GM2A: variants seen among roughly 807,000 people sequenced by gnomAD.
The protein encoded by GM2A is GM2 ganglioside activator.
GM2A carries 7 observed loss-of-function variants against 12.9 expected under a neutral mutation model. The ratio of observed to expected loss-of-function variants is 0.54; its 90% CI spans 0.31 to 1.02. GM2A has a LOEUF of 1.02. Among genes scored for constraint, GM2A ranks in the 50% least tolerant of loss-of-function variants. GM2A has a pLI of 0.05. For missense variants in GM2A, 246 were observed against 241.0 expected (o/e 1.02, Z -0.14); for synonymous variants, 101 against 96.0 (o/e 1.05, Z -0.30).
intron 2 of GM2A, among the ~76,000 whole-genome samples, chr5:151,263,362 G>C (rs62377902): frequency 0.044 from 6,733 of 151,522 alleles, 320 homozygotes; most frequent in East Asian, 0.26. Context: ...GAGCCACCAG[G>C]CCCGGCTCCC....
intron 1 of GM2A, among the ~76,000 whole-genome samples, chr5:151,255,105 C>T (rs1023918344): frequency 2.0e-5 from 3 of 152,084 alleles, no homozygotes; most frequent in Non-Finnish European, 2.9e-5. Flanking sequence ...AGTTCAAGAC[C>T]AGCCTGGGCA....
At chr5:151,253,565 G>A (rs950865696) in intron 1 of GM2A, among the ~76,000 whole-genome samples, 13 of 152,068 alleles carry the variant, frequency 8.5e-5, no homozygotes, top group Non-Finnish European at 1.3e-4. Context: ...TGAAAATGCA[G>A]ACAGCCTTAA....
Position 151,267,479 on chromosome 5 carries a change from C to A in GM2A, c.*28C>A. 1.9e-6 allele frequency: 3 copies of A among 1,613,804 alleles called. No individual in the cohort carries two copies. The highest frequency in any genetic ancestry group is 2.5e-6 in the Non-Finnish European group (3 of 1,179,884). ...TGGCATCTGCCACAGCAGAATGGAG[C>A]GGTGTGAGGAAGGTCCCTTTTCCTC... On this transcript the variant is annotated 3_prime_UTR_variant, in exon 4 of 4. Transcript: ENST00000357164.
chr5:151,267,101 T>C (rs1457251390), intron 3 of GM2A, 188 bp downstream of exon 3: 3 of 855,210 alleles, frequency 3.5e-6, no homozygotes, highest in Non-Finnish European at 5.7e-6. Flanking sequence ...GACTTGAACT[T>C]AGATGTGATC....
In GM2A at chr5:151,270,070, C is replaced by T. The variant is rs772153529; in HGVS notation, c.*2619C>T. The T allele has an allele frequency of 7.3e-5, 90 of 1,230,684 alleles. 2 individuals carry two copies. The South Asian group carries it at 2.8e-3, about 38-fold the overall frequency. 76.2% of individuals were successfully genotyped at this position (1,230,684 alleles called of 1,614,324 possible). On this transcript the variant is annotated 3_prime_UTR_variant, in exon 4 of 4. Coordinates refer to ENST00000357164, the MANE Select transcript of GM2A (RefSeq NM_000405.5). Reference sequence around the variant, plus strand: ...AGCTCAGTTAATCTTTTTATGTCTGCTCTGCTCTTGGGTCATATGTTCCGT... The same window carrying T: ...AGCTCAGTTAATCTTTTTATGTCTGTTCTGCTCTTGGGTCATATGTTCCGT...
At chr5:151,263,482 G>A (rs1413210302) in intron 2 of GM2A, among the ~76,000 whole-genome samples, 4 of 152,080 alleles carry the variant, frequency 2.6e-5, no homozygotes, top group Non-Finnish European at 5.9e-5. Flanking sequence ...CACTTGCTAG[G>A]GAGAAGAGCC....
In GM2A at chr5:151,266,447, C is replaced by CAAAAAAAAAAAAAAA. The variant is rs59997121; in HGVS notation, c.244-283_244-269dup. On this transcript the variant is annotated intron_variant, in intron 2 of 3. Transcript: ENST00000357164. ...GCAGTGAGTGCAGTGAGCCATGATA[C>CAAAAAAAAAAAAAAA]AAAAAAAAAAAAAAAGAATTCTAAG... 1.4e-3 allele frequency among the ~76,000 whole-genome samples: 145 copies of CAAAAAAAAAAAAAAA among 106,106 alleles called. 3 individuals are homozygous for CAAAAAAAAAAAAAAA. Among genetic ancestry groups the CAAAAAAAAAAAAAAA allele is most frequent in the Admixed American group, 1.8e-3 (18 of 10,216 alleles). 69.6% of individuals were successfully genotyped at this position (106,106 alleles called of 152,430 possible).
chr5:151,269,258 T>C lies in GM2A; in HGVS notation c.*1807T>C. 4.1e-6 allele frequency: 4 copies of C among 985,478 alleles called. No homozygotes were observed. The highest frequency in any genetic ancestry group is 4.8e-6 in the Non-Finnish European group (4 of 829,958). 61.0% of individuals were successfully genotyped at this position (985,478 alleles called of 1,614,324 possible). On this transcript the variant is annotated 3_prime_UTR_variant, in exon 4 of 4. Coordinates refer to ENST00000357164, the MANE Select transcript of GM2A (RefSeq NM_000405.5). Reference sequence around the variant, plus strand: ...ACTTGCGGACAGTTTCCCCTTGCCTTGGCTGCATATTTCACTGATCACATC... The same window carrying C: ...ACTTGCGGACAGTTTCCCCTTGCCTCGGCTGCATATTTCACTGATCACATC...
Position 151,269,991 on chromosome 5 carries a change from C to T in GM2A, c.*2540C>T. The T allele has an allele frequency of 8.2e-7, 1 of 1,225,514 alleles. No individual in the cohort carries two copies. Among genetic ancestry groups the T allele is most frequent in the African/African-American group, 1.6e-5 (1 of 64,396 alleles). 75.9% of individuals were successfully genotyped at this position (1,225,514 alleles called of 1,614,324 possible). A position where few individuals can be genotyped will look rare whatever the true frequency, so the allele number is the denominator to read the frequency against. ...AGCCGTTTCCCTCTGTTGGATCTTC[C>T]AGCCTTATTCTCAACAGTTCATTTT... On this transcript the variant is annotated 3_prime_UTR_variant, in exon 4 of 4. Coordinates refer to ENST00000357164, the MANE Select transcript of GM2A (RefSeq NM_000405.5).
Position 151,269,566 on chromosome 5 carries a change from G to A in GM2A, c.*2115G>A. 2.1e-6 allele frequency: 1 copy of A among 487,042 alleles called. No homozygotes were observed. The highest frequency in any genetic ancestry group is 2.7e-6 in the Non-Finnish European group (1 of 374,206). The allele number at this position is 487,042 out of a possible 1,614,324, so 30.2% of individuals were successfully genotyped here. A position where few individuals can be genotyped will look rare whatever the true frequency, so the allele number is the denominator to read the frequency against. On this transcript the variant is annotated 3_prime_UTR_variant, in exon 4 of 4. Transcript: ENST00000357164. ...TAAAAGGGAGCAAAGACCACCTGGTGACTATCAGGCCATGCAGAGGCAAAA... is the reference window on the plus strand; with the variant it reads ...TAAAAGGGAGCAAAGACCACCTGGTAACTATCAGGCCATGCAGAGGCAAAA...
In GM2A at chr5:151,269,247, T is replaced by A; in HGVS notation, c.*1796T>A. ...AAATCTTTTTAACTTGCGGACAGTT[T>A]CCCCTTGCCTTGGCTGCATATTTCA... On this transcript the variant is annotated 3_prime_UTR_variant, in exon 4 of 4. Coordinates refer to ENST00000357164, the MANE Select transcript of GM2A (RefSeq NM_000405.5). The A allele has an allele frequency of 1.0e-6, 1 of 985,438 alleles. No individual in the cohort carries two copies. Among genetic ancestry groups the A allele is most frequent in the Non-Finnish European group, 1.2e-6 (1 of 829,924 alleles). The allele number at this position is 985,438 out of a possible 1,614,324, so 61.0% of individuals were successfully genotyped here. A position where few individuals can be genotyped will look rare whatever the true frequency, so the allele number is the denominator to read the frequency against.
intron 1 of GM2A, among the ~76,000 whole-genome samples, chr5:151,255,115 A>G (rs779853359): frequency 6.6e-6 from 1 of 152,180 alleles, no homozygotes; most frequent in Non-Finnish European, 1.5e-5. Context: ...CAGCCTGGGC[A>G]ACATGGTGAA....
intron 1 of GM2A, among the ~76,000 whole-genome samples, chr5:151,254,804 CTG>C (rs1201649898): frequency 6.6e-6 from 1 of 152,166 alleles, no homozygotes; most frequent in African/African-American, 2.4e-5. Context: ...TTACTGAAGA[CTG>C]TACTGAAAGT....
intron 2 of GM2A, among the ~76,000 whole-genome samples, chr5:151,264,991 AAAAG>A (rs900948794): frequency 6.6e-6 from 1 of 152,066 alleles, no homozygotes. Flanking sequence ...CAAAAAAAAA[AAAAG>A]AAGGTGAGGG....
chr5:151,259,400 G>T (rs1287652406), intron 1 of GM2A, among the ~76,000 whole-genome samples: 1 of 152,200 alleles, frequency 6.6e-6, no homozygotes, highest in African/African-American at 2.4e-5. Context: ...TCCAAGGCTG[G>T]CTGGAGAGGA....
At chr5:151,266,157 A>G (rs957382152) in intron 2 of GM2A, among the ~76,000 whole-genome samples, 3 of 152,222 alleles carry the variant, frequency 2.0e-5, no homozygotes, top group Non-Finnish European at 4.4e-5. Flanking sequence ...GTTAGAGCCA[A>G]TCAATGGGTA....
In GM2A at chr5:151,253,514, C is replaced by T. The variant is rs180745261; in HGVS notation, c.81+217C>T. 4.1e-3 allele frequency among the ~76,000 whole-genome samples: 631 copies of T among 152,290 alleles called. 1 individual carries two copies. Among genetic ancestry groups the T allele is most frequent in the African/African-American group, 0.015 (614 of 41,542 alleles). Reference sequence around the variant, plus strand: ...CCAGGCCCTTTTTGGAGAGATTAATCTCACGTCTGCACTCTCCTGCCCTCC... The same window carrying T: ...CCAGGCCCTTTTTGGAGAGATTAATTTCACGTCTGCACTCTCCTGCCCTCC... On this transcript the variant is annotated intron_variant, in intron 1 of 3. Coordinates refer to ENST00000357164, the MANE Select transcript of GM2A (RefSeq NM_000405.5).
Position 151,268,129 on chromosome 5 carries a change from A to G in GM2A, c.*678A>G. The G allele has an allele frequency of 1.0e-6, 1 of 983,770 alleles. No homozygotes were observed. The allele number at this position is 983,770 out of a possible 1,614,324, so 60.9% of individuals were successfully genotyped here. A position where few individuals can be genotyped will look rare whatever the true frequency, so the allele number is the denominator to read the frequency against. ...ATGACTGATAAGAACCGTGAGAAAC[A>G]TGTTGCTTCCAGGCTTGATTTCGAT... On this transcript the variant is annotated 3_prime_UTR_variant, in exon 4 of 4. Transcript: ENST00000357164.
chr5:151,266,521 G>A (rs1753888520), intron 2 of GM2A, among the ~76,000 whole-genome samples: 1 of 149,788 alleles, frequency 6.7e-6, no homozygotes, highest in Non-Finnish European at 1.5e-5. Context: ...GATTATTAAT[G>A]TCTGCCATGG....
Sources: allele counts gnomAD v4.1 joint callset (sites outside exome capture counted in the v4.1 genomes callset), GRCh38; gene constraint gnomAD v4.1.1; transcripts MANE v1.5; gene names NCBI Gene and HGNC (gene_info 2026-07-23, HGNC 2026-07-21).